Variants in GUCY1A1 observed in about 807,000 individuals in gnomAD.
GUCY1A1 encodes the protein guanylate cyclase soluble subunit alpha-1.
In GUCY1A1, 48 loss-of-function variants were observed where a neutral mutation model predicts 64.5. The observed-to-expected ratio is 0.74, with a 90% CI of 0.59 to 0.95. The LOEUF is 0.95. GUCY1A1 is among the 40% of genes least tolerant of loss of function. GUCY1A1 has a pLI of 0.00. For synonymous variants in GUCY1A1, 308 were observed against 303.4 expected (o/e 1.02, Z -0.16); for missense variants, 804 against 825.3 (o/e 0.97, Z 0.32).
chr4:155,725,482 C>A (rs1734533832), intron 9 of GUCY1A1, among the ~76,000 whole-genome samples: 1 of 152,052 alleles, frequency 6.6e-6, no homozygotes, highest in Non-Finnish European at 1.5e-5. Context: ...CTTTCACTGA[C>A]ACCTGTGTTT....
At chr4:155,711,608 G>A (rs1168454725) in intron 6 of GUCY1A1, among the ~76,000 whole-genome samples, 1 of 152,140 alleles carries the variant, frequency 6.6e-6, no homozygotes, top group Non-Finnish European at 1.5e-5. Flanking sequence ...AAAGTCACTT[G>A]TTTCTTGTAG....
At chr4:155,684,653 G>T (rs1462767105) in intron 2 of GUCY1A1, among the ~76,000 whole-genome samples, 1 of 152,114 alleles carries the variant, frequency 6.6e-6, no homozygotes. Flanking sequence ...GGTCATAAAA[G>T]AAAATTTCTC....
intron 3 of GUCY1A1, among the ~76,000 whole-genome samples, chr4:155,698,897 C>T (rs576401726): frequency 2.5e-4 from 38 of 152,172 alleles, no homozygotes; most frequent in Middle Eastern, 3.4e-3. Context: ...TTTTACTTGG[C>T]TCTATTTTTG....
At position 155,717,154 on chromosome 4, in the gene GUCY1A1, T is replaced by C; in HGVS notation, c.1573-5T>C. 1 of 1,451,182 alleles carries C rather than the reference T, an allele frequency of 6.9e-7. No homozygotes were observed. Among genetic ancestry groups the C allele is most frequent in the East Asian group, 2.5e-5 (1 of 40,244 alleles). The allele number at this position is 1,451,182 out of a possible 1,614,324, so 89.9% of individuals were successfully genotyped here. On this transcript the variant is annotated splice_region_variant and splice_polypyrimidine_tract_variant and intron_variant, in intron 7 of 9. Coordinates refer to ENST00000506455, the MANE Select transcript of GUCY1A1 (RefSeq NM_001130682.3). ...TTTATAGTATGGAAAATATATTATGTCTAGGTGGAGACCATTGGCGATGCC... is the reference window on the plus strand; with the variant it reads ...TTTATAGTATGGAAAATATATTATGCCTAGGTGGAGACCATTGGCGATGCC...
intron 3 of GUCY1A1, among the ~76,000 whole-genome samples, chr4:155,698,031 G>T (rs1730635628): frequency 6.6e-6 from 1 of 152,258 alleles, no homozygotes. Flanking sequence ...CCTCTACTGT[G>T]TGCAAAGCAC....
chr4:155,668,572 C>T (rs766138711), intron 2 of GUCY1A1, among the ~76,000 whole-genome samples: 17 of 152,176 alleles, frequency 1.1e-4, no homozygotes, highest in Non-Finnish European at 2.2e-4. Flanking sequence ...AAACGTCAAA[C>T]TTTCCTGTTA....
Position 155,713,588 on chromosome 4 carries a change from G to A in GUCY1A1, c.1572+5G>A. ...GGAGAGCTGGATGTCTACAAGGTAG[G>A]AGTGGACCAGGGAAATAATTGTTTT... On this transcript the variant is annotated splice_donor_5th_base_variant and intron_variant, in intron 7 of 9. Coordinates refer to ENST00000506455, the MANE Select transcript of GUCY1A1 (RefSeq NM_001130682.3). 1 of 1,606,960 alleles carries A rather than the reference G, an allele frequency of 6.2e-7. No homozygotes were observed. Among genetic ancestry groups the A allele is most frequent in the Non-Finnish European group, 8.5e-7 (1 of 1,174,228 alleles).
At chr4:155,688,247 A>C (rs907946208) in intron 2 of GUCY1A1, among the ~76,000 whole-genome samples, 21 of 152,056 alleles carry the variant, frequency 1.4e-4, no homozygotes, top group South Asian at 2.1e-4. Context: ...AAACAAAAAA[A>C]AAAAAAAACT....
intron 9 of GUCY1A1, among the ~76,000 whole-genome samples, chr4:155,723,666 T>G (rs868583900): frequency 7.9e-6 from 1 of 126,448 alleles, no homozygotes; most frequent in East Asian, 2.4e-4. Context: ...ATTTATTTAT[T>G]TATTTATATT....
chr4:155,685,256 A>G (rs1418348484), intron 2 of GUCY1A1, among the ~76,000 whole-genome samples: 1 of 152,246 alleles, frequency 6.6e-6, no homozygotes, highest in Non-Finnish European at 1.5e-5. Flanking sequence ...TGTCCCCAAC[A>G]GCTCTTTAAA....
At chr4:155,727,776 A>AAAATGT (rs984622553) in intron 9 of GUCY1A1, among the ~76,000 whole-genome samples, 13 of 151,772 alleles carry the variant, frequency 8.6e-5, no homozygotes, top group African/African-American at 3.1e-4. Flanking sequence ...ATAAAAAAAT[A>AAAATGT]AAATGTAAAG....
chr4:155,718,576 G>T (rs1321010956), intron 8 of GUCY1A1, among the ~76,000 whole-genome samples: 3 of 152,164 alleles, frequency 2.0e-5, no homozygotes, highest in Non-Finnish European at 4.4e-5. Context: ...GGATTGCAAC[G>T]ATTGAAGCTG....
At chr4:155,695,337 G>A (rs1225106903) in intron 2 of GUCY1A1, among the ~76,000 whole-genome samples, 2 of 150,766 alleles carry the variant, frequency 1.3e-5, no homozygotes, top group East Asian at 3.9e-4. Context: ...GCATTGAGGA[G>A]CATAGAAAAT....
intron 5 of GUCY1A1, among the ~76,000 whole-genome samples, chr4:155,708,765 T>C (rs1277420610): frequency 6.6e-6 from 1 of 152,198 alleles, no homozygotes. Flanking sequence ...CGAGGTTGCA[T>C]CTTTCTAAAA....
intron 2 of GUCY1A1, among the ~76,000 whole-genome samples, chr4:155,682,395 G>A (rs761698655): frequency 6.6e-6 from 1 of 151,942 alleles, no homozygotes; most frequent in African/African-American, 2.4e-5. Flanking sequence ...AAGAAAATTC[G>A]ACTGGGCACG....
intron 2 of GUCY1A1, among the ~76,000 whole-genome samples, chr4:155,680,460 ATGTGTG>A (rs59517530): frequency 8.8e-4 from 131 of 149,634 alleles, no homozygotes; most frequent in African/African-American, 2.7e-3. Context: ...TTTTAAGTAT[ATGTGTG>A]TGTGTGTGTG....
In GUCY1A1 at chr4:155,735,919, C is replaced by T. The variant is rs1736011486; in HGVS notation, c.*5688C>T. 1 of 151,908 alleles carries T rather than the reference C, an allele frequency of 6.6e-6. No individual in the cohort carries two copies. Among genetic ancestry groups the T allele is most frequent in the East Asian group, 1.9e-4 (1 of 5,164 alleles). 9.4% of individuals were successfully genotyped at this position (151,908 alleles called of 1,614,324 possible). On this transcript the variant is annotated 3_prime_UTR_variant, in exon 10 of 10. Coordinates refer to ENST00000506455, the MANE Select transcript of GUCY1A1 (RefSeq NM_001130682.3). ...CCAGTGATACAGGGATGTGCAGCAT[C>T]CAGACACTGCTTAATCACAGTGAGC...
At chr4:155,685,244 G>A (rs1325903278) in intron 2 of GUCY1A1, among the ~76,000 whole-genome samples, 1 of 152,166 alleles carries the variant, frequency 6.6e-6, no homozygotes, top group Non-Finnish European at 1.5e-5. Context: ...TAATGTATGT[G>A]ATGTCCCCAA....
At chr4:155,702,983 A>T (rs1343041131) in intron 3 of GUCY1A1, among the ~76,000 whole-genome samples, 1 of 150,594 alleles carries the variant, frequency 6.6e-6, no homozygotes, top group Non-Finnish European at 1.5e-5. Context: ...ATAGTTTTAT[A>T]TATATCTCTA....
Sources: allele counts gnomAD v4.1 joint callset (sites outside exome capture counted in the v4.1 genomes callset), GRCh38; gene constraint gnomAD v4.1.1; transcripts MANE v1.5; gene names NCBI Gene and HGNC (gene_info 2026-07-23, HGNC 2026-07-21).